Variants in WWP2 observed in about 807,000 individuals in gnomAD.
WWP2 encodes the protein NEDD4-like E3 ubiquitin-protein ligase WWP2.
In WWP2, 57 loss-of-function variants were observed where a neutral mutation model predicts 121.0. That is an observed-to-expected ratio of 0.47 (90% confidence interval 0.38 to 0.59). WWP2 has a LOEUF of 0.59. WWP2 is among the 20% of genes least tolerant of loss of function. The probability of loss-of-function intolerance (pLI) is 0.00; values close to 1 mark genes in which losing one functional copy is unlikely to be tolerated. For missense variants in WWP2, 962 were observed against 1,158.9 expected (o/e 0.83, Z 2.47); for synonymous variants, 449 against 441.3 (o/e 1.02, Z -0.22).
chr16:69,822,273 C>T (rs2056606986), intron 4 of WWP2, among the ~76,000 whole-genome samples: 1 of 152,136 alleles, frequency 6.6e-6, no homozygotes. Context: ...GATCATGAGC[C>T]TTGCTTGTAG....
At chr16:69,915,691 G>A (rs1042105606) in intron 9 of WWP2, among the ~76,000 whole-genome samples, 7 of 152,226 alleles carry the variant, frequency 4.6e-5, no homozygotes, top group African/African-American at 9.6e-5. Context: ...AGAGACCATC[G>A]TTTTTCATTA....
intron 10 of WWP2, 50 bp downstream of exon 10, chr16:69,917,933 C>G (rs905570368): frequency 1.8e-5 from 28 of 1,540,492 alleles, no homozygotes; most frequent in African/African-American, 1.1e-4. Context: ...CCTGCGCTTG[C>G]GAATGTGCAG....
At chr16:69,830,819 A>G (rs1427326244) in intron 4 of WWP2, among the ~76,000 whole-genome samples, 2 of 152,230 alleles carry the variant, frequency 1.3e-5, no homozygotes, top group Non-Finnish European at 2.9e-5. Context: ...TGCAAAGGAA[A>G]TGTGAAAGAG....
chr16:69,920,743 T>C (rs910594123), intron 10 of WWP2, among the ~76,000 whole-genome samples: 1 of 152,066 alleles, frequency 6.6e-6, no homozygotes, highest in South Asian at 2.1e-4. Context: ...CCTATAATAG[T>C]GCCACTGCAC....
At chr16:69,846,909 A>G (rs1222599820) in intron 6 of WWP2, among the ~76,000 whole-genome samples, 1 of 151,724 alleles carries the variant, frequency 6.6e-6, no homozygotes, top group African/African-American at 2.4e-5. Context: ...TAAACGAAAT[A>G]TATATTTAGA....
At chr16:69,869,405 T>A (rs1230179599) in intron 6 of WWP2, among the ~76,000 whole-genome samples, 2 of 151,372 alleles carry the variant, frequency 1.3e-5, no homozygotes, top group Admixed American at 1.3e-4. Context: ...TTTTTTTTGT[T>A]AAACAAGGTC....
chr16:69,801,145 C>T (rs1383926930), intron 4 of WWP2, among the ~76,000 whole-genome samples: 2 of 141,952 alleles, frequency 1.4e-5, no homozygotes, highest in Non-Finnish European at 3.0e-5. Context: ...GCCGAGATTG[C>T]GCCACTGCAC....
At chr16:69,932,487 A>C (rs2058732232) in intron 16 of WWP2, among the ~76,000 whole-genome samples, 1 of 152,242 alleles carries the variant, frequency 6.6e-6, no homozygotes, top group Non-Finnish European at 1.5e-5. Flanking sequence ...GCGAGAGCTC[A>C]GTACAATGGC....
intron 1 of WWP2, 41 bp from the exon 2 acceptor site, chr16:69,786,955 A>C: frequency 6.5e-7 from 1 of 1,527,362 alleles, no homozygotes. Context: ...CTGTCTTCTT[A>C]TCAGATATTC....
chr16:69,842,114 G>A lies in WWP2; in HGVS notation c.569G>A (p.Arg190Lys), dbSNP rs1301867941. 1.2e-6 allele frequency: 2 copies of A among 1,612,242 alleles called. No individual in the cohort carries two copies. Among genetic ancestry groups the A allele is most frequent in the African/African-American group, 2.7e-5 (2 of 74,908 alleles). The change falls in exon 6 of 24, where the codon AGA becomes AAA. Residue 190 changes from arginine to lysine, a missense_variant. Around this residue, in one of 3 missense-constraint regions of WWP2, gnomAD observed 211 missense variants for 196.5 expected, o/e 1.07. Transcript: ENST00000359154. ...QPPSTNCFGG[R>K]SRTHRHSGAS... The stretch of plus-strand genomic sequence containing the variant: ...CCCAGCACAAACTGCTTTGGTGGAA[G>A]ATCCCGGTAAGACCCCCCTTGGTGA...
intron 4 of WWP2, among the ~76,000 whole-genome samples, chr16:69,808,967 A>G (rs1198883558): frequency 1.3e-5 from 2 of 152,212 alleles, no homozygotes; most frequent in Admixed American, 6.5e-5. Context: ...GTGTTGTACC[A>G]ATTTGCCATC....
intron 1 of WWP2, among the ~76,000 whole-genome samples, chr16:69,769,984 C>T (rs1474985964): frequency 6.6e-6 from 1 of 151,824 alleles, no homozygotes; most frequent in Non-Finnish European, 1.5e-5. Flanking sequence ...GCCTCAGCCT[C>T]CCAAGTAGCT....
intron 1 of WWP2, among the ~76,000 whole-genome samples, chr16:69,774,094 G>A (rs1176930161): frequency 6.6e-6 from 1 of 152,062 alleles, no homozygotes; most frequent in African/African-American, 2.4e-5. Flanking sequence ...AGAAAGGATG[G>A]AGAACCACTG....
intron 10 of WWP2, among the ~76,000 whole-genome samples, chr16:69,920,455 G>A (rs572512936): frequency 1.6e-4 from 24 of 152,232 alleles, no homozygotes; most frequent in African/African-American, 5.3e-4. Flanking sequence ...TTTGAGCTGG[G>A]CCCAAAAGAT....
rs1323662303 is a variant in WWP2, at chr16:69,799,845, T to TACGTC, written c.340+554_340+558dup. Among the ~76,000 whole-genome samples, 1 of 152,214 alleles carries TACGTC rather than the reference T, an allele frequency of 6.6e-6. No homozygotes were observed. Among genetic ancestry groups the TACGTC allele is most frequent in the Non-Finnish European group, 1.5e-5 (1 of 68,034 alleles). On this transcript the variant is annotated intron_variant, in intron 4 of 23. Coordinates refer to ENST00000359154, the MANE Select transcript of WWP2 (RefSeq NM_001270454.2). This position sits in a 1 kb window ranked among gnomAD's most constrained non-coding sequence, Gnocchi z 4.5. ...CCATCTGAATTAGCCAACGTGCCTC[T>TACGTC]ACGTCACGGACATATAAATCCTCAT...
At chr16:69,889,478 C>T (rs1203420521) in intron 8 of WWP2, among the ~76,000 whole-genome samples, 1 of 152,180 alleles carries the variant, frequency 6.6e-6, no homozygotes, top group Non-Finnish European at 1.5e-5. Flanking sequence ...ATCCCCCCAC[C>T]ATGTGACCTT....
At chr16:69,851,875 C>T (rs1027376509) in intron 6 of WWP2, among the ~76,000 whole-genome samples, 39 of 152,078 alleles carry the variant, frequency 2.6e-4, no homozygotes, top group African/African-American at 7.0e-4. Flanking sequence ...CCCAGCTACT[C>T]GGGAGGCTGA....
At chr16:69,782,652 A>G (rs996762355) in intron 1 of WWP2, among the ~76,000 whole-genome samples, 4 of 152,158 alleles carry the variant, frequency 2.6e-5, no homozygotes, top group Non-Finnish European at 5.9e-5. Flanking sequence ...TGGAAGTAAA[A>G]TGCTTATTAC....
At chr16:69,939,709 G>T (rs1283966548) in intron 23 of WWP2, 132 bp from the exon 24 acceptor site, 4 of 728,506 alleles carry the variant, frequency 5.5e-6, no homozygotes, top group Non-Finnish European at 8.0e-6. Flanking sequence ...GCAATGTGAA[G>T]GCCTGACTGG....
Sources: gnomAD v4.1 joint callset for allele counts (sites outside exome capture counted in the v4.1 genomes callset) on GRCh38, gnomAD v4.1.1 for gene constraint, gnomAD v4.1.1 regional missense constraint, Gnocchi (gnomAD v3.1) non-coding constraint, MANE v1.5 for transcripts, NCBI Gene and HGNC (gene_info 2026-07-23, HGNC 2026-07-21) for gene names.